NUP210L: variants seen among roughly 807,000 people sequenced by gnomAD.
NUP210L encodes nuclear pore membrane glycoprotein 210-like.
A neutral mutation model predicts 208.5 loss-of-function variants in NUP210L; 74 were observed. The ratio of observed to expected loss-of-function variants is 0.35; its 90% CI spans 0.29 to 0.43. The LOEUF is 0.43. Among genes scored for constraint, NUP210L ranks in the 20% least tolerant of loss-of-function variants. The pLI is 1.00. For synonymous variants in NUP210L, 780 were observed against 816.9 expected (o/e 0.95, Z 0.77); for missense variants, 1,843 against 2,289.4 (o/e 0.81, Z 3.98).
At chr1:154,111,822 C>T (rs1165176761) in intron 12 of NUP210L, among the ~76,000 whole-genome samples, 1 of 151,658 alleles carries the variant, frequency 6.6e-6, no homozygotes, top group African/African-American at 2.4e-5. Flanking sequence ...CAGACAAAGA[C>T]TTATTAAAAA....
chr1:154,012,510 GAAC>G, intron 33 of NUP210L, 140 bp from the exon 34 acceptor site: 1 of 748,888 alleles, frequency 1.3e-6, no homozygotes, highest in South Asian at 2.3e-5. Flanking sequence ...ACATATTTGA[GAAC>G]AACAAAATCT....
rs562576921 is a variant in NUP210L, at chr1:154,112,371, A to G, written c.1620+5354T>C. Among the ~76,000 whole-genome samples, 38 of 152,202 alleles carry G rather than the reference A, an allele frequency of 2.5e-4. No homozygotes were observed. In the South Asian group the frequency reaches 7.7e-3, roughly 31 times the overall value. ...CAGTGAGTCATGTTCCTGCCACTGC[A>G]TTCAAGCCTGGGTGACAGAGCAAGA... On this transcript the variant is annotated intron_variant, in intron 12 of 39. Coordinates refer to ENST00000368559, the Ensembl canonical transcript of NUP210L.
intron 27 of NUP210L, among the ~76,000 whole-genome samples, chr1:154,042,089 C>CCT (rs375101605): frequency 1.1e-4 from 16 of 151,016 alleles, no homozygotes; most frequent in South Asian, 2.1e-4. Flanking sequence ...AAGGCCTTTC[C>CCT]CTCTCTCTCT....
exon 31 of NUP210L, chr1:154,023,224 G>A (rs1231877478): frequency 6.2e-7 from 1 of 1,613,958 alleles, no homozygotes; most frequent in Admixed American, 1.7e-5. Flanking sequence ...CAAGGGAAAT[G>A]CTGACAGGGT....
chr1:154,125,928 C>T (rs1333069765), intron 10 of NUP210L, among the ~76,000 whole-genome samples: 14 of 151,144 alleles, frequency 9.3e-5, no homozygotes, highest in South Asian at 2.1e-4. Context: ...CCACCGCGCC[C>T]GGCTAATTTT....
At chr1:154,100,642 C>T (rs1403282992) in intron 13 of NUP210L, among the ~76,000 whole-genome samples, 1 of 148,454 alleles carries the variant, frequency 6.7e-6, no homozygotes, top group African/African-American at 2.5e-5. Flanking sequence ...CCTCAGCCTC[C>T]TGAGTAACTG....
At chr1:154,013,169 A>G (rs1413063029) in intron 33 of NUP210L, among the ~76,000 whole-genome samples, 1 of 151,928 alleles carries the variant, frequency 6.6e-6, no homozygotes, top group Non-Finnish European at 1.5e-5. Context: ...AAGTGCTGAG[A>G]TTACAGGCAT....
At chr1:154,152,422 C>T (rs1280141327) in intron 2 of NUP210L, among the ~76,000 whole-genome samples, 1 of 151,938 alleles carries the variant, frequency 6.6e-6, no homozygotes, top group African/African-American at 2.4e-5. Flanking sequence ...GATCCACCCA[C>T]CTCGGCCTCC....
At chr1:154,103,078 C>CTGATAATAA (rs1553235921) in intron 13 of NUP210L, among the ~76,000 whole-genome samples, 7 of 149,260 alleles carry the variant, frequency 4.7e-5, no homozygotes, top group African/African-American at 1.7e-4. Context: ...GACCCTGTCT[C>CTGATAATAA]TAATAATAAT....
At chr1:154,089,299 A>T (rs1655780116) in intron 16 of NUP210L, 122 bp downstream of exon 16, 6 of 800,258 alleles carry the variant, frequency 7.5e-6, no homozygotes, top group Non-Finnish European at 1.0e-5. Flanking sequence ...AATTAAAAAT[A>T]GAATTACCAT....
intron 10 of NUP210L, among the ~76,000 whole-genome samples, chr1:154,122,105 T>C (rs1035120568): frequency 1.3e-5 from 2 of 152,058 alleles, no homozygotes; most frequent in African/African-American, 4.8e-5. Flanking sequence ...TAAGGGGACA[T>C]CACTACAGAT....
chr1:154,082,514 G>A (rs949256161), intron 16 of NUP210L, among the ~76,000 whole-genome samples: 4 of 152,054 alleles, frequency 2.6e-5, no homozygotes, highest in Non-Finnish European at 5.9e-5. Context: ...CCAGAGGATG[G>A]CATGCTCAGT....
At chr1:153,997,846 C>T (rs1649986430) in intron 37 of NUP210L, among the ~76,000 whole-genome samples, 1 of 151,630 alleles carries the variant, frequency 6.6e-6, no homozygotes, top group South Asian at 2.1e-4. Context: ...CATGACACTA[C>T]ACCTGGCTAT....
chr1:154,060,909 G>T, intron 19 of NUP210L, 33 bp downstream of exon 19: 1 of 1,372,780 alleles, frequency 7.3e-7, no homozygotes, highest in South Asian at 1.2e-5. Context: ...CCTCCAATAT[G>T]ATTCCATTTA....
chr1:154,125,837 G>A lies in NUP210L; in HGVS notation c.1326+486C>T, dbSNP rs567227224. 2.4e-4 allele frequency among the ~76,000 whole-genome samples: 32 copies of A among 130,694 alleles called. 2 individuals carry two copies. Among genetic ancestry groups the A allele is most frequent in the African/African-American group, 6.6e-4 (23 of 34,834 alleles). The allele number at this position is 130,694 out of a possible 152,430, so 85.7% of individuals were successfully genotyped here. A position where few individuals can be genotyped will look rare whatever the true frequency, so the allele number is the denominator to read the frequency against. Reference sequence around the variant, plus strand: ...GGCTGGAGCGCAGTGGCGGGATCTCGGCTCACTGCAAGCTCCGCCTCCCGG... The same window carrying A: ...GGCTGGAGCGCAGTGGCGGGATCTCAGCTCACTGCAAGCTCCGCCTCCCGG... On this transcript the variant is annotated intron_variant, in intron 10 of 39. Coordinates refer to ENST00000368559, the Ensembl canonical transcript of NUP210L.
At position 154,099,950 on chromosome 1, in the gene NUP210L, T is replaced by C. The variant is rs201858754; in HGVS notation, c.1965+48A>G. 4.1e-4 allele frequency: 646 copies of C among 1,584,190 alleles called. 3 individuals are homozygous for C. The African/African-American group carries it at 7.7e-3, about 19-fold the overall frequency. ...CTAGTAAGCCCATAAGCAGACATAG[T>C]TAAGTCCATTAAAAGAAATGCCAGT... On this transcript the variant is annotated intron_variant, in intron 14 of 39. Coordinates refer to ENST00000368559, the Ensembl canonical transcript of NUP210L.
At chr1:154,065,614 T>C (rs1265307514) in intron 17 of NUP210L, among the ~76,000 whole-genome samples, 1 of 151,548 alleles carries the variant, frequency 6.6e-6, no homozygotes, top group Non-Finnish European at 1.5e-5. Flanking sequence ...TATTTAGGGC[T>C]GGGTGTGGCA....
chr1:154,071,353 T>C lies in NUP210L; in HGVS notation c.2362-888A>G, dbSNP rs188428524. Among the ~76,000 whole-genome samples, 96 of 152,080 alleles carry C rather than the reference T, an allele frequency of 6.3e-4. No individual in the cohort carries two copies. In the South Asian group the frequency reaches 6.8e-3, roughly 11 times the overall value. ...CAGGTGGTATTTGGTTACAAGTAAG[T>C]TCTTTAGTGATGATTTGTGAGATTC... On this transcript the variant is annotated intron_variant, in intron 16 of 39. Transcript: ENST00000368559.
At chr1:154,054,784 T>C (rs1292368207) in exon 24 of NUP210L, 5 of 1,612,872 alleles carry the variant, frequency 3.1e-6, no homozygotes, top group Admixed American at 3.3e-5. Flanking sequence ...ATCATATTCA[T>C]TGGAATCAGT....
Sources: gnomAD v4.1 joint callset for allele counts (sites outside exome capture counted in the v4.1 genomes callset) on GRCh38, gnomAD v4.1.1 for gene constraint, MANE v1.5 for transcripts, NCBI Gene and HGNC (gene_info 2026-07-23, HGNC 2026-07-21) for gene names.